Variants in CBLC observed in about 807,000 individuals in gnomAD.
CBLC encodes E3 ubiquitin-protein ligase CBL-C.
CBLC carries 46 observed loss-of-function variants against 58.6 expected under a neutral mutation model. That is an observed-to-expected ratio of 0.79 (90% CI 0.62 to 1.00). The LOEUF (loss-of-function observed/expected upper bound fraction) is 1.00. CBLC is among the 50% of genes least tolerant of loss of function. The pLI is 0.00. For missense variants in CBLC, 655 were observed against 625.8 expected, an observed-to-expected ratio of 1.05 and a Z score of -0.50; for synonymous variants, 271 against 264.2, an observed-to-expected ratio of 1.03 and a Z score of -0.25.
Position 44,784,950 on chromosome 19 carries a change from GTTTTTTTTTTTTTTTTTTTTTTTTTT to G in CBLC, c.917+563_917+588del, listed in dbSNP as rs58171575. ...GAACTGGAGAACTTGCTAGACAGGTGTTTTTTTTTTTTTTTTTTTTTTTTTTTTTTTTTTTTTTTGAGACAGAGTCT... is the reference window on the plus strand; with the variant it reads ...GAACTGGAGAACTTGCTAGACAGGTGTTTTTTTTTTTTTGAGACAGAGTCT... On this transcript the variant is annotated intron_variant, in intron 5 of 10. Transcript: ENST00000647358. Among the ~76,000 whole-genome samples the G allele has an allele frequency of 1.2e-4, 4 of 34,356 alleles. No individual in the cohort carries two copies. The Admixed American group carries it at 1.2e-3, about 10-fold the overall frequency. The allele number at this position is 34,356 out of a possible 152,430, so 22.5% of individuals were successfully genotyped here. A position where few individuals can be genotyped will look rare whatever the true frequency, so the allele number is the denominator to read the frequency against.
At chr19:44,795,027 G>C (rs1313710646) in intron 9 of CBLC, among the ~76,000 whole-genome samples, 1 of 150,152 alleles carries the variant, frequency 6.7e-6, no homozygotes, top group Non-Finnish European at 1.5e-5. Flanking sequence ...GCATAATCTC[G>C]GCTCACAGCA....
Position 44,794,227 on chromosome 19 carries a change from G to GC in CBLC, c.1313dup (p.Arg439ThrfsTer61). ...AGGTGCCCCTTTCGGCTCCTCCATT[G>GC]CCCCCACGGCCAGATCTGCCCCCCA... On this transcript the variant is annotated frameshift_variant, in exon 9 of 11. Transcript: ENST00000647358. LOFTEE classifies it high-confidence loss of function. 6.2e-7 allele frequency: 1 copy of GC among 1,611,972 alleles called. No individual in the cohort carries two copies. Among genetic ancestry groups the GC allele is most frequent in the African/African-American group, 1.3e-5 (1 of 74,518 alleles).
intron 2 of CBLC, 27 bp downstream of exon 2, chr19:44,781,078 C>G: frequency 6.2e-7 from 1 of 1,603,094 alleles, no homozygotes; most frequent in Non-Finnish European, 8.5e-7. Context: ...CCTCAGCTCC[C>G]GGAGCCCCAT....
chr19:44,791,165 G>A (rs1173170004), intron 6 of CBLC, among the ~76,000 whole-genome samples: 1 of 151,792 alleles, frequency 6.6e-6, no homozygotes, highest in African/African-American at 2.4e-5. Context: ...TTTAGGTTAG[G>A]CACAGTGGTT....
chr19:44,784,183 A>C, intron 4 of CBLC, 81 bp from the exon 5 acceptor site: 1 of 1,350,230 alleles, frequency 7.4e-7, no homozygotes. Flanking sequence ...CTGGATTCCC[A>C]ACAGGCCAGG....
At chr19:44,778,370 G>A (rs868731767) in intron 1 of CBLC, 86 bp downstream of exon 1, 6 of 1,249,076 alleles carry the variant, frequency 4.8e-6, no homozygotes, top group Middle Eastern at 5.9e-4. Flanking sequence ...CAGGAACTTA[G>A]GCCCCCACCC....
intron 5 of CBLC, 114 bp downstream of exon 5, chr19:44,784,515 G>A: frequency 2.8e-6 from 3 of 1,059,182 alleles, no homozygotes; most frequent in Non-Finnish European, 4.0e-6. Context: ...TTCACATAGG[G>A]GACATCTCAA....
Position 44,800,369 on chromosome 19 carries a change from T to C in CBLC, c.1363-12T>C. 3 of 1,596,034 alleles carry C rather than the reference T, an allele frequency of 1.9e-6. No homozygotes were observed. Among genetic ancestry groups the C allele is most frequent in the South Asian group, 1.1e-5 (1 of 90,726 alleles). ...GGGAATCAACCGCCCTCTCAAAATA[T>C]CTCCATTGCAGAGACTCCTAAAGGG... On this transcript the variant is annotated splice_polypyrimidine_tract_variant and intron_variant, in intron 9 of 10. Coordinates refer to ENST00000647358, the MANE Select transcript of CBLC (RefSeq NM_012116.4).
At chr19:44,781,628 G>A (rs535748619) in intron 3 of CBLC, among the ~76,000 whole-genome samples, 10 of 147,402 alleles carry the variant, frequency 6.8e-5, no homozygotes, top group African/African-American at 2.3e-4. Context: ...TGGGTCTGAG[G>A]GAGGAGGGGC....
chr19:44,781,592 A>G (rs113950192), intron 3 of CBLC, among the ~76,000 whole-genome samples: 1 of 28,992 alleles, frequency 3.4e-5, no homozygotes. Context: ...GGTCTGAGGG[A>G]GGAGGGGGCT....
chr19:44,798,608 G>A (rs547817978), intron 9 of CBLC, among the ~76,000 whole-genome samples: 8 of 152,080 alleles, frequency 5.3e-5, no homozygotes, highest in African/African-American at 1.4e-4. Context: ...CCAGCTACTC[G>A]GGAGGCTGAG....
At chr19:44,792,539 TCCCCTCTGGTCTC>T (rs1373995033) in intron 7 of CBLC, 25 bp downstream of exon 7, 1 of 1,553,856 alleles carries the variant, frequency 6.4e-7, no homozygotes, top group Non-Finnish European at 8.7e-7. Context: ...TGTGGCGCCT[TCCCCTCTGGTCTC>T]CCCCTCTCTA....
chr19:44,792,525 C>A lies in CBLC; in HGVS notation c.1137+11C>A. The A allele has an allele frequency of 6.3e-7, 1 of 1,578,700 alleles. No individual in the cohort carries two copies. The highest frequency in any genetic ancestry group is 8.6e-7 in the Non-Finnish European group (1 of 1,165,836). ...CTGGCTGCCTGGCAGGTGGGTCTGACCCCTGTGGCGCCTTCCCCTCTGGTC... is the reference window on the plus strand; with the variant it reads ...CTGGCTGCCTGGCAGGTGGGTCTGAACCCTGTGGCGCCTTCCCCTCTGGTC... On this transcript the variant is annotated intron_variant, in intron 7 of 10. Transcript: ENST00000647358.
chr19:44,781,464 G>A, intron 3 of CBLC, 101 bp downstream of exon 3: 1 of 1,193,262 alleles, frequency 8.4e-7, no homozygotes, highest in East Asian at 2.4e-5. Context: ...CCGGGACCTG[G>A]ACTCCTGGAT....
intron 1 of CBLC, among the ~76,000 whole-genome samples, chr19:44,779,041 T>C (rs769889245): frequency 6.6e-5 from 10 of 152,204 alleles, no homozygotes; most frequent in African/African-American, 1.2e-4. Flanking sequence ...CCAATTCTGG[T>C]TCCCACTATC....
At chr19:44,790,878 G>C (rs1315407889) in intron 6 of CBLC, among the ~76,000 whole-genome samples, 1 of 152,184 alleles carries the variant, frequency 6.6e-6, no homozygotes, top group Non-Finnish European at 1.5e-5. Context: ...GGTAGGCCGA[G>C]GCCGGCAGAT....
intron 3 of CBLC, 32 bp from the exon 4 acceptor site, chr19:44,782,338 C>G: frequency 1.2e-6 from 2 of 1,612,202 alleles, no homozygotes; most frequent in African/African-American, 1.3e-5. Flanking sequence ...CTTCCCTGGT[C>G]GCTCCCTGAC....
Position 44,783,756 on chromosome 19 carries a change from C to T in CBLC, c.780-508C>T, listed in dbSNP as rs576003499. Among the ~76,000 whole-genome samples, 8 of 152,294 alleles carry T rather than the reference C, an allele frequency of 5.3e-5. No individual in the cohort carries two copies. The South Asian group carries it at 1.7e-3, about 32-fold the overall frequency. On this transcript the variant is annotated intron_variant, in intron 4 of 10. Coordinates refer to ENST00000647358, the MANE Select transcript of CBLC (RefSeq NM_012116.4). ...ACAGCTAGATCCAGGTGCTCAATGG[C>T]TACTGTCAGGAATCAGTTCCTGTTC...
chr19:44,781,437 G>A (rs1002688054), intron 3 of CBLC, 74 bp downstream of exon 3: 3 of 1,458,392 alleles, frequency 2.1e-6, no homozygotes, highest in African/African-American at 1.4e-5. Flanking sequence ...GGATTCCTGG[G>A]TCTGAGGGAG....
Sources: gnomAD v4.1 joint callset for allele counts (sites outside exome capture counted in the v4.1 genomes callset) on GRCh38, gnomAD v4.1.1 for gene constraint, MANE v1.5 for transcripts, NCBI Gene and HGNC (gene_info 2026-07-23, HGNC 2026-07-21) for gene names.